The following CPA3 variants were observed in gnomAD, a reference collection of about 807,000 sequenced individuals.
The protein encoded by CPA3 is carboxypeptidase A3.
CPA3 carries 52 observed loss-of-function variants against 55.8 expected under a neutral mutation model. The ratio of observed to expected loss-of-function variants is 0.93; its 90% CI spans 0.75 to 1.17. CPA3 has a LOEUF of 1.17. Ranked by LOEUF, CPA3 falls within the 50% of genes most tolerant of loss-of-function variation. The pLI is 0.00. For synonymous variants in CPA3, 179 were observed against 171.2 expected (o/e 1.05, Z -0.36); for missense variants, 547 against 509.1 (o/e 1.07, Z -0.72).
rs1714442639 is a variant in CPA3 at position 148,883,741 on chromosome 3, T to A, written c.907T>A (p.Phe303Ile). Residue 303 changes from phenylalanine (F) to isoleucine (I), a missense_variant, in exon 9 of 11, where the codon TTC becomes ATC. Phe to Ile is a conservative substitution (Grantham distance 21, BLOSUM62 0). Coordinates refer to ENST00000296046, the MANE Select transcript of CPA3 (RefSeq NM_001870.4). ...HLNEIKVYIT[F>I]HSYSQMLLFP... is the part of the protein sequence containing the mutation. Reference sequence around the variant, plus strand: ...GAATGAAATCAAGGTTTACATCACCTTCCATTCCTACTCCCAGATGCTATT... The same window carrying A: ...GAATGAAATCAAGGTTTACATCACCATCCATTCCTACTCCCAGATGCTATT... 1 of 1,613,988 alleles carries A rather than the reference T, an allele frequency of 6.2e-7. No homozygotes were observed. The highest frequency in any genetic ancestry group is 1.7e-5 in the Admixed American group (1 of 60,004).
intron 9 of CPA3, among the ~76,000 whole-genome samples, chr3:148,885,106 CTAAT>C: frequency 6.6e-6 from 1 of 152,142 alleles, no homozygotes; most frequent in South Asian, 2.1e-4. Context: ...AAGAGACACC[CTAAT>C]TAACAACTAT....
intron 3 of CPA3, among the ~76,000 whole-genome samples, chr3:148,870,445 T>C (rs1714032463): frequency 6.6e-6 from 1 of 152,210 alleles, no homozygotes; most frequent in Admixed American, 6.5e-5. Context: ...ATATCTCAAA[T>C]AAACTCCATT....
chr3:148,878,035 C>A (rs753538103), intron 3 of CPA3, among the ~76,000 whole-genome samples: 2 of 152,198 alleles, frequency 1.3e-5, no homozygotes, highest in Non-Finnish European at 2.9e-5. Context: ...GTAAAATTAA[C>A]TGTAGCAATA....
At chr3:148,885,040 C>T (rs995458349) in intron 9 of CPA3, among the ~76,000 whole-genome samples, 1 of 152,144 alleles carries the variant, frequency 6.6e-6, no homozygotes, top group Non-Finnish European at 1.5e-5. Flanking sequence ...GACAATCACT[C>T]TCATAGCACA....
chr3:148,892,209 C>T (rs1012370190), intron 10 of CPA3, among the ~76,000 whole-genome samples: 3 of 152,086 alleles, frequency 2.0e-5, no homozygotes, highest in Non-Finnish European at 2.9e-5. Context: ...CTCCTCAGGT[C>T]CCTCCTCTTA....
chr3:148,869,275 A>AT (rs942410045), intron 3 of CPA3, among the ~76,000 whole-genome samples: 4 of 152,210 alleles, frequency 2.6e-5, no homozygotes, highest in Admixed American at 2.0e-4. Context: ...AGCTATAAGA[A>AT]TAACAATTAC....
chr3:148,879,956 G>A (rs886989177), intron 6 of CPA3, 67 bp downstream of exon 6: 48 of 1,092,226 alleles, frequency 4.4e-5, no homozygotes, highest in East Asian at 1.4e-4. Context: ...ACTAAGTGGC[G>A]ACATCTTTCC....
In CPA3 at chr3:148,886,103, C is replaced by T. The variant is rs753348542; in HGVS notation, c.992C>T (p.Ala331Val). The change falls in exon 10 of 11, where the codon GCA becomes GTA. Residue 331 changes from alanine to valine, a missense_variant. Physicochemically the swap from Ala to Val is moderately conservative, Grantham distance 64 (BLOSUM62 0). Coordinates refer to ENST00000296046, the MANE Select transcript of CPA3 (RefSeq NM_001870.4). ...PPNHEDLAKV[A>V]KIGTDVLSTR... Reference sequence around the variant, plus strand: ...TTCCTTTCTCTCCAGGCCAAAGTTGCAAAGATTGGCACTGATGTTCTATCA... The same window carrying T: ...TTCCTTTCTCTCCAGGCCAAAGTTGTAAAGATTGGCACTGATGTTCTATCA... 3 of 1,612,900 alleles carry T rather than the reference C, an allele frequency of 1.9e-6. No individual in the cohort carries two copies. Among genetic ancestry groups the T allele is most frequent in the Non-Finnish European group, 2.5e-6 (3 of 1,179,198 alleles).
chr3:148,867,396 G>A (rs1444492243), intron 2 of CPA3, among the ~76,000 whole-genome samples: 1 of 152,162 alleles, frequency 6.6e-6, no homozygotes, highest in African/African-American at 2.4e-5. Context: ...TAACATGTGG[G>A]AAACATGCAT....
Position 148,878,527 on chromosome 3 carries a change from A to G in CPA3, c.356A>G (p.Tyr119Cys), listed in dbSNP as rs1363348618. 6.2e-7 allele frequency: 1 copy of G among 1,611,972 alleles called. No homozygotes were observed. Among genetic ancestry groups the G allele is most frequent in the East Asian group, 2.2e-5 (1 of 44,828 alleles). ...CCAGGCAGGCACAGCTACGCAAAATACAATAATTGGGAAAAGGTACAGTAA... is the reference window on the plus strand; with the variant it reads ...CCAGGCAGGCACAGCTACGCAAAATGCAATAATTGGGAAAAGGTACAGTAA... Reference protein sequence around the residue: ...DIPGRHSYAKYNNWEKIVAWT... With the variant: ...DIPGRHSYAKCNNWEKIVAWT... The change falls in exon 4 of 11, where the codon TAC becomes TGC. Residue 119 changes from tyrosine (Y) to cysteine (C), a missense_variant. Tyr to Cys is a radical substitution (Grantham distance 194). Transcript: ENST00000296046.
At chr3:148,887,565 T>A (rs1223109101) in intron 10 of CPA3, among the ~76,000 whole-genome samples, 1 of 152,156 alleles carries the variant, frequency 6.6e-6, no homozygotes, top group African/African-American at 2.4e-5. Context: ...ATTTTCTATT[T>A]GCAATGAACA....
chr3:148,893,687 C>A (rs1714737207), intron 10 of CPA3, among the ~76,000 whole-genome samples: 1 of 152,090 alleles, frequency 6.6e-6, no homozygotes, highest in Non-Finnish European at 1.5e-5. Flanking sequence ...CTGAGTGAAA[C>A]CCAAACAGGA....
In CPA3 at chr3:148,880,384, T is replaced by G. The variant is rs981236545; in HGVS notation, c.576+495T>G. ...TCTCACTCTGTCACCCAGGCTGGAATGCAGTGGTGCAATCTCGTCTCACTG... is the reference window on the plus strand; with the variant it reads ...TCTCACTCTGTCACCCAGGCTGGAAGGCAGTGGTGCAATCTCGTCTCACTG... On this transcript the variant is annotated intron_variant, in intron 6 of 10. Coordinates refer to ENST00000296046, the MANE Select transcript of CPA3 (RefSeq NM_001870.4). 7.9e-5 allele frequency among the ~76,000 whole-genome samples: 12 copies of G among 151,496 alleles called. No individual in the cohort carries two copies. In the East Asian group the frequency reaches 2.3e-3, roughly 29 times the overall value.
intron 10 of CPA3, among the ~76,000 whole-genome samples, chr3:148,891,854 C>G (rs1438408664): frequency 6.6e-6 from 1 of 152,142 alleles, no homozygotes; most frequent in Non-Finnish European, 1.5e-5. Flanking sequence ...TCTAACATAT[C>G]CTAAATTACA....
At chr3:148,867,743 A>T (rs369553733) in intron 2 of CPA3, among the ~76,000 whole-genome samples, 1 of 152,246 alleles carries the variant, frequency 6.6e-6, no homozygotes, top group African/African-American at 2.4e-5. Flanking sequence ...ACAGCCAGGC[A>T]GACCTGAACA....
intron 10 of CPA3, among the ~76,000 whole-genome samples, chr3:148,895,885 G>A (rs1005272361): frequency 6.6e-5 from 10 of 152,096 alleles, no homozygotes; most frequent in African/African-American, 2.4e-4. Context: ...ACTTGTATAT[G>A]TATATAGCCT....
intron 5 of CPA3, 52 bp from the exon 6 acceptor site, chr3:148,879,736 G>GATCA: frequency 2.5e-6 from 3 of 1,186,734 alleles, no homozygotes; most frequent in Non-Finnish European, 3.8e-6. Flanking sequence ...GTCAACAAGG[G>GATCA]ATCAATGTGT....
intron 10 of CPA3, among the ~76,000 whole-genome samples, chr3:148,893,754 CAAAG>C (rs1003796907): frequency 6.6e-6 from 1 of 152,014 alleles, no homozygotes; most frequent in African/African-American, 2.4e-5. Flanking sequence ...GAAAACTAGA[CAAAG>C]AAACAAGTCG....
At chr3:148,883,084 A>C (rs1296148918) in intron 8 of CPA3, among the ~76,000 whole-genome samples, 2 of 152,194 alleles carry the variant, frequency 1.3e-5, no homozygotes, top group Non-Finnish European at 2.9e-5. Flanking sequence ...TCATCACTGC[A>C]CACTTTCAAG....
Sources: gnomAD v4.1 joint callset for allele counts (sites outside exome capture counted in the v4.1 genomes callset) on GRCh38, gnomAD v4.1.1 for gene constraint, MANE v1.5 for transcripts, NCBI Gene and HGNC (gene_info 2026-07-23, HGNC 2026-07-21) for gene names.